CLEC19A: variants seen among roughly 807,000 people sequenced by gnomAD.
CLEC19A encodes the protein C-type lectin domain family 19 member A.
In CLEC19A, 21 loss-of-function variants were observed where a neutral mutation model predicts 26.1. That is an observed-to-expected ratio of 0.80 (90% CI 0.57 to 1.16). The LOEUF (loss-of-function observed/expected upper bound fraction) is 1.16, where lower values mean the gene tolerates loss of function less well. CLEC19A is among the 50% of genes most tolerant of loss of function. The probability of loss-of-function intolerance (pLI) is 0.00; values close to 1 mark genes in which losing one functional copy is unlikely to be tolerated. For synonymous variants in CLEC19A, 89 were observed against 88.6 expected (o/e 1.00, Z -0.03); for missense variants, 224 against 227.6 (o/e 0.98, Z 0.10).
chr16:19,289,829 G>A (rs1434643564), intron 1 of CLEC19A, among the ~76,000 whole-genome samples: 2 of 152,238 alleles, frequency 1.3e-5, no homozygotes, highest in Admixed American at 1.3e-4. Flanking sequence ...TGAAGGAGGT[G>A]GTAGAACCCG....
intron 1 of CLEC19A, among the ~76,000 whole-genome samples, chr16:19,289,544 T>C (rs1291891642): frequency 6.6e-6 from 1 of 152,182 alleles, no homozygotes; most frequent in Non-Finnish European, 1.5e-5. Flanking sequence ...TCTGCCACTT[T>C]TGAGCCAAGA....
chr16:19,298,630 C>A, intron 1 of CLEC19A, 43 bp from the exon 2 acceptor site: 3 of 1,537,672 alleles, frequency 2.0e-6, no homozygotes, highest in Non-Finnish European at 2.6e-6. Context: ...ACAATGTCAG[C>A]ACTGCCAACC....
At chr16:19,290,856 A>G (rs1215490844) in intron 1 of CLEC19A, among the ~76,000 whole-genome samples, 1 of 151,618 alleles carries the variant, frequency 6.6e-6, no homozygotes, top group African/African-American at 2.4e-5. Context: ...TCTTTTTTTT[A>G]GAGACAAGGT....
At chr16:19,301,755 TTTTTTTTTTG>T (rs1897837579) in intron 2 of CLEC19A, among the ~76,000 whole-genome samples, 1 of 133,766 alleles carries the variant, frequency 7.5e-6, no homozygotes, top group East Asian at 2.1e-4. Context: ...TTTTTTTTTT[TTTTTTTTTTG>T]TATTTTTAGC....
At chr16:19,303,742 A>G (rs1317880268) in intron 2 of CLEC19A, 13 of 230,420 alleles carry the variant, frequency 5.6e-5, no homozygotes, top group African/African-American at 1.1e-4. Context: ...ATGCAATGCA[A>G]TGTAAACTCC....
rs1410095605 is a variant in CLEC19A at position 19,309,291 on chromosome 16, T to C, written c.*208T>C. On this transcript the variant is annotated 3_prime_UTR_variant, in exon 5 of 5. Coordinates refer to ENST00000636231, the MANE Select transcript of CLEC19A (RefSeq NM_001256720.2). ...CTCAAATTGGCTTAATTTTTTAAAG[T>C]GTTTTTTTTTTTAAATTGACCCAAG... 2.0e-6 allele frequency: 1 copy of C among 488,232 alleles called. No individual in the cohort carries two copies. The highest frequency in any genetic ancestry group is 3.6e-6 in the Non-Finnish European group (1 of 277,700). The allele number at this position is 488,232 out of a possible 1,614,324, so 30.2% of individuals were successfully genotyped here.
At chr16:19,287,810 G>T (rs1021176072) in intron 1 of CLEC19A, among the ~76,000 whole-genome samples, 3 of 152,218 alleles carry the variant, frequency 2.0e-5, no homozygotes, top group Admixed American at 2.0e-4. Context: ...GCTCGTGCAG[G>T]TGAAGTGCTT....
intron 2 of CLEC19A, 66 bp from the exon 3 acceptor site, chr16:19,303,996 A>G (rs1897890973): frequency 1.5e-6 from 2 of 1,354,040 alleles, no homozygotes; most frequent in Non-Finnish European, 2.0e-6. Context: ...ATTGCTTTCA[A>G]TTTTTGACTC....
At chr16:19,297,946 T>C (rs940368853) in intron 1 of CLEC19A, among the ~76,000 whole-genome samples, 2 of 152,120 alleles carry the variant, frequency 1.3e-5, no homozygotes, top group Non-Finnish European at 2.9e-5. Context: ...TTACTTTCAT[T>C]CTTAAAAGTA....
Position 19,310,678 on chromosome 16 carries a change from G to C in CLEC19A, c.*1595G>C, listed in dbSNP as rs940593309. ...GAACCTGAAAAACATTATGCTTCCA[G>C]TCACAAAAGACCACATGTTGTATGA... On this transcript the variant is annotated 3_prime_UTR_variant, in exon 5 of 5. Coordinates refer to ENST00000636231, the MANE Select transcript of CLEC19A (RefSeq NM_001256720.2). 2.0e-5 allele frequency: 3 copies of C among 152,148 alleles called. No homozygotes were observed. The highest frequency in any genetic ancestry group is 7.2e-5 in the African/African-American group (3 of 41,420). 9.4% of individuals were successfully genotyped at this position (152,148 alleles called of 1,614,324 possible). A position where few individuals can be genotyped will look rare whatever the true frequency, so the allele number is the denominator to read the frequency against.
Position 19,309,328 on chromosome 16 carries a change from C to T in CLEC19A, c.*245C>T. ...TAAATTGACCCAAGTAACAAAAATC[C>T]AGGGGTTGTTCTGATTCAGAGTTGA... On this transcript the variant is annotated 3_prime_UTR_variant, in exon 5 of 5. Coordinates refer to ENST00000636231, the MANE Select transcript of CLEC19A (RefSeq NM_001256720.2). 1 of 408,946 alleles carries T rather than the reference C, an allele frequency of 2.4e-6. No homozygotes were observed. Among genetic ancestry groups the T allele is most frequent in the Non-Finnish European group, 4.5e-6 (1 of 223,472 alleles). 25.3% of individuals were successfully genotyped at this position (408,946 alleles called of 1,614,324 possible).
chr16:19,293,323 A>G (rs1897629898), intron 1 of CLEC19A, among the ~76,000 whole-genome samples: 1 of 152,206 alleles, frequency 6.6e-6, no homozygotes, highest in Non-Finnish European at 1.5e-5. Context: ...AACACTGAGT[A>G]ACGTCTGGAG....
chr16:19,309,163 C>A lies in CLEC19A; in HGVS notation c.*80C>A. On this transcript the variant is annotated 3_prime_UTR_variant, in exon 5 of 5. Transcript: ENST00000636231. ...ACCAGTGTAGAATTGACATTGAATA[C>A]ATGTAAAACATACATAGGAAGTAAA... 1 of 994,066 alleles carries A rather than the reference C, an allele frequency of 1.0e-6. No homozygotes were observed. The highest frequency in any genetic ancestry group is 1.5e-6 in the Non-Finnish European group (1 of 650,138). The allele number at this position is 994,066 out of a possible 1,614,324, so 61.6% of individuals were successfully genotyped here.
chr16:19,287,912 A>G (rs2143008318), intron 1 of CLEC19A, among the ~76,000 whole-genome samples: 1 of 152,352 alleles, frequency 6.6e-6, no homozygotes, highest in South Asian at 2.1e-4. Context: ...GCCAGGAGAC[A>G]GTTTTCTATT....
At chr16:19,298,300 C>T (rs1219444797) in intron 1 of CLEC19A, among the ~76,000 whole-genome samples, 1 of 150,458 alleles carries the variant, frequency 6.6e-6, no homozygotes, top group African/African-American at 2.4e-5. Context: ...CCTGCAATCC[C>T]AGCACTTTGG....
chr16:19,298,975 G>C, intron 2 of CLEC19A, 137 bp downstream of exon 2: 8 of 987,594 alleles, frequency 8.1e-6, no homozygotes, highest in Non-Finnish European at 1.2e-5. Context: ...GTCTTGCTAT[G>C]TTGCCCAGGC....
rs944501619 is a variant in CLEC19A at position 19,310,014 on chromosome 16, A to G, written c.*931A>G. ...GAGGCTGGTTCTTCAAAGGAAAACAAAAAGATTACCAAACTCATAAATTGC... is the reference window on the plus strand; with the variant it reads ...GAGGCTGGTTCTTCAAAGGAAAACAGAAAGATTACCAAACTCATAAATTGC... On this transcript the variant is annotated 3_prime_UTR_variant, in exon 5 of 5. Transcript: ENST00000636231. 2.0e-5 allele frequency: 3 copies of G among 152,196 alleles called. No individual in the cohort carries two copies. Among genetic ancestry groups the G allele is most frequent in the African/African-American group, 7.2e-5 (3 of 41,444 alleles). The allele number at this position is 152,196 out of a possible 1,614,324, so 9.4% of individuals were successfully genotyped here. A position where few individuals can be genotyped will look rare whatever the true frequency, so the allele number is the denominator to read the frequency against.
intron 1 of CLEC19A, among the ~76,000 whole-genome samples, chr16:19,291,500 T>G (rs758745258): frequency 6.6e-6 from 1 of 152,184 alleles, no homozygotes; most frequent in African/African-American, 2.4e-5. Flanking sequence ...CCTGGTAGGA[T>G]GTGTGAAGAT....
At chr16:19,288,269 G>C (rs1897513289) in intron 1 of CLEC19A, among the ~76,000 whole-genome samples, 1 of 152,188 alleles carries the variant, frequency 6.6e-6, no homozygotes, top group Non-Finnish European at 1.5e-5. Context: ...GAATGTGTGT[G>C]AGTTTATGGG....
Sources: gnomAD v4.1 joint callset for allele counts (sites outside exome capture counted in the v4.1 genomes callset) on GRCh38, gnomAD v4.1.1 for gene constraint, MANE v1.5 for transcripts, NCBI Gene and HGNC (gene_info 2026-07-23, HGNC 2026-07-21) for gene names.